The following GABRA2 variants were observed in gnomAD, a reference collection of about 807,000 sequenced individuals.
GABRA2 encodes gamma-aminobutyric acid type A receptor subunit alpha2.
In GABRA2, 16 loss-of-function variants were observed where a neutral mutation model predicts 48.7. That is an observed-to-expected ratio of 0.33 (90% CI 0.22 to 0.50). The LOEUF is 0.50. GABRA2 is among the 20% of genes least tolerant of loss of function. The probability of loss-of-function intolerance (pLI) is 0.98; values close to 1 mark genes in which losing one functional copy is unlikely to be tolerated. For synonymous variants in GABRA2, 185 were observed against 184.5 expected, an observed-to-expected ratio of 1.00 and a Z score of -0.02; for missense variants, 275 against 535.6, an observed-to-expected ratio of 0.51 and a Z score of 4.80.
chr4:46,325,788 C>T (rs1370792292), intron 4 of GABRA2, among the ~76,000 whole-genome samples: 2 of 151,992 alleles, frequency 1.3e-5, no homozygotes, highest in African/African-American at 4.8e-5. Flanking sequence ...CAGTCTTCTG[C>T]ATATGGCTAG....
chr4:46,339,036 A>C (rs1040117542), intron 3 of GABRA2, among the ~76,000 whole-genome samples: 1 of 151,876 alleles, frequency 6.6e-6, no homozygotes, highest in Non-Finnish European at 1.5e-5. Flanking sequence ...AACACAATGG[A>C]ATATAGCAAT....
intron 8 of GABRA2, among the ~76,000 whole-genome samples, chr4:46,301,715 A>G (rs957944721): frequency 1.3e-5 from 2 of 152,206 alleles, no homozygotes; most frequent in Non-Finnish European, 2.9e-5. Flanking sequence ...GTTGTTTTCT[A>G]TAACTTGTCT....
chr4:46,365,884 A>G lies in GABRA2; in HGVS notation c.187+20190T>C, dbSNP rs909381740. On this transcript the variant is annotated intron_variant, in intron 3 of 9. Coordinates refer to ENST00000381620, the MANE Select transcript of GABRA2 (RefSeq NM_000807.4). ...ATCTGGAAAGAGGGTTCTTGCATTTAATATGCCTTCATCTATTTGCCTTTC... is the reference window on the plus strand; with the variant it reads ...ATCTGGAAAGAGGGTTCTTGCATTTGATATGCCTTCATCTATTTGCCTTTC... 4 of 152,088 alleles carry G rather than the reference A, an allele frequency of 2.6e-5. No homozygotes were observed. In the East Asian group the frequency reaches 7.7e-4, roughly 29 times the overall value. 9.4% of individuals were successfully genotyped at this position (152,088 alleles called of 1,614,324 possible). A position where few individuals can be genotyped will look rare whatever the true frequency, so the allele number is the denominator to read the frequency against.
Position 46,249,013 on chromosome 4 carries a change from T to C in GABRA2, c.*1295A>G, listed in dbSNP as rs1223371314. On this transcript the variant is annotated 3_prime_UTR_variant, in exon 10 of 10. Coordinates refer to ENST00000381620, the MANE Select transcript of GABRA2 (RefSeq NM_000807.4). Reference sequence around the variant, plus strand: ...AGTAATTATATAAAATTTAAAATTGTGTTTTCTAATTTAGCTGTGTATGTG... The same window carrying C: ...AGTAATTATATAAAATTTAAAATTGCGTTTTCTAATTTAGCTGTGTATGTG... 2 of 148,702 alleles carry C rather than the reference T, an allele frequency of 1.3e-5. No homozygotes were observed. The highest frequency in any genetic ancestry group is 5.0e-5 in the African/African-American group (2 of 40,116). The allele number at this position is 148,702 out of a possible 1,614,324, so 9.2% of individuals were successfully genotyped here.
chr4:46,322,896 T>A (rs1411059775), intron 4 of GABRA2, among the ~76,000 whole-genome samples: 1 of 151,988 alleles, frequency 6.6e-6, no homozygotes, highest in African/African-American at 2.4e-5. Context: ...TTCGCAGGTG[T>A]CAAGTGACTT....
intron 3 of GABRA2, among the ~76,000 whole-genome samples, chr4:46,370,979 C>T (rs1714798754): frequency 6.6e-6 from 1 of 152,028 alleles, no homozygotes; most frequent in African/African-American, 2.4e-5. Flanking sequence ...AACTACAGTC[C>T]TCTCATACTC....
intron 3 of GABRA2, among the ~76,000 whole-genome samples, chr4:46,341,423 ATGTTGCTGTT>A (rs1733208941): frequency 6.6e-6 from 1 of 151,934 alleles, no homozygotes; most frequent in South Asian, 2.1e-4. Context: ...ATGTGTGTGT[ATGTTGCTGTT>A]TGTTGCTGTT....
At chr4:46,297,373 C>T (rs1724915903) in intron 8 of GABRA2, among the ~76,000 whole-genome samples, 1 of 150,832 alleles carries the variant, frequency 6.6e-6, no homozygotes, top group Non-Finnish European at 1.5e-5. Flanking sequence ...ACTCCAAGTT[C>T]TTCAGCTTTG....
chr4:46,257,562 TA>T (rs1474801296), intron 9 of GABRA2, among the ~76,000 whole-genome samples: 1 of 151,630 alleles, frequency 6.6e-6, no homozygotes, highest in African/African-American at 2.4e-5. Flanking sequence ...AAAAACATAA[TA>T]AAAAATCTTC....
At chr4:46,354,297 T>G (rs1024088523) in intron 3 of GABRA2, among the ~76,000 whole-genome samples, 2 of 152,184 alleles carry the variant, frequency 1.3e-5, no homozygotes, top group Admixed American at 1.3e-4. Context: ...AAGTAGCAAC[T>G]TGTTTTACTA....
intron 3 of GABRA2, among the ~76,000 whole-genome samples, chr4:46,343,038 T>A (rs1389367828): frequency 6.6e-6 from 1 of 151,962 alleles, no homozygotes; most frequent in Non-Finnish European, 1.5e-5. Flanking sequence ...TTTAAAATAG[T>A]AACTTACTTA....
intron 3 of GABRA2, among the ~76,000 whole-genome samples, chr4:46,339,210 TA>T (rs1236006138): frequency 6.6e-6 from 1 of 151,898 alleles, no homozygotes; most frequent in Non-Finnish European, 1.5e-5. Context: ...CCATTTAAAT[TA>T]AATTTTAATT....
chr4:46,244,334 A>T lies in GABRA2; in HGVS notation c.*5974T>A, dbSNP rs1713309699. ...AACTAACTCTTGCTTTCTTAGCATC[A>T]GTTGTTTTTACAAATAAACTTTGTT... On this transcript the variant is annotated 3_prime_UTR_variant, in exon 10 of 10. Coordinates refer to ENST00000381620, the MANE Select transcript of GABRA2 (RefSeq NM_000807.4). The T allele has an allele frequency of 6.6e-6, 1 of 151,638 alleles. No individual in the cohort carries two copies. Among genetic ancestry groups the T allele is most frequent in the African/African-American group, 2.4e-5 (1 of 41,402 alleles). The allele number at this position is 151,638 out of a possible 1,614,324, so 9.4% of individuals were successfully genotyped here.
chr4:46,284,799 T>A (rs80276352), intron 8 of GABRA2, among the ~76,000 whole-genome samples: 4,411 of 152,010 alleles, frequency 0.029, 126 homozygotes, highest in East Asian at 0.11. Flanking sequence ...TTAAAAAAAA[T>A]TCATTAAAAT....
Position 46,330,583 on chromosome 4 carries a change from T to TAGAG in GABRA2, c.255+2031_255+2032insCTCT, listed in dbSNP as rs1180886073. Among the ~76,000 whole-genome samples the TAGAG allele has an allele frequency of 9.0e-4, 97 of 108,122 alleles. 3 individuals are homozygous for TAGAG. Among genetic ancestry groups the TAGAG allele is most frequent in the Middle Eastern group, 9.4e-3 (2 of 212 alleles). 70.9% of individuals were successfully genotyped at this position (108,122 alleles called of 152,430 possible). On this transcript the variant is annotated intron_variant, in intron 4 of 9. Transcript: ENST00000381620. ...ATATGCATATATATATATATATATA[T>TAGAG]ATATATATAGAGAGAGAGAGAGAGA... is the stretch of plus-strand genomic sequence containing the variant.
In GABRA2 at chr4:46,250,546, T is replaced by A; in HGVS notation, c.1118A>T (p.Asn373Ile). 1 of 1,611,688 alleles carries A rather than the reference T, an allele frequency of 6.2e-7. No individual in the cohort carries two copies. The highest frequency in any genetic ancestry group is 8.5e-7 in the Non-Finnish European group (1 of 1,178,494). ...ATCTTTTGAAAGATTCGGGGCATAA[T>A]TGGCAACAGCCACTGCATAAGCGTT... ...QNNAYAVAVA[N>I]YAPNLSKDPV... The change falls in exon 10 of 10, where the codon AAT becomes ATT. Residue 373 changes from asparagine (N) to isoleucine (I), a missense_variant. This residue lies in a region of GABRA2 where 99 missense variants were observed against 124.3 expected (regional missense o/e 0.80). Transcript: ENST00000381620.
At chr4:46,382,567 T>C (rs1716906051) in intron 3 of GABRA2, among the ~76,000 whole-genome samples, 1 of 152,160 alleles carries the variant, frequency 6.6e-6, no homozygotes, top group Non-Finnish European at 1.5e-5. Flanking sequence ...ATTGCAAGGA[T>C]CTGAGCAGTT....
At chr4:46,299,644 C>T (rs1725381075) in intron 8 of GABRA2, among the ~76,000 whole-genome samples, 1 of 149,828 alleles carries the variant, frequency 6.7e-6, no homozygotes, top group Non-Finnish European at 1.5e-5. Context: ...CTTTGCGTTG[C>T]TTATTACATG....
At chr4:46,303,179 GTAAA>G (rs1259107265) in intron 8 of GABRA2, 1 of 322,284 alleles carries the variant, frequency 3.1e-6, no homozygotes, top group Non-Finnish European at 5.6e-6. Context: ...TTCACCTTGT[GTAAA>G]TATAGTACAG....
Sources: allele counts gnomAD v4.1 joint callset (sites outside exome capture counted in the v4.1 genomes callset), GRCh38; gene constraint gnomAD v4.1.1; regional missense constraint gnomAD v4.1.1; transcripts MANE v1.5; gene names NCBI Gene and HGNC (gene_info 2026-07-23, HGNC 2026-07-21).